Variants in CCDC171 observed in about 807,000 individuals in gnomAD.
The protein encoded by CCDC171 is coiled-coil domain-containing protein 171.
A neutral mutation model predicts 168.2 loss-of-function variants in CCDC171; 177 were observed. The ratio of observed to expected loss-of-function variants is 1.05; its 90% CI spans 0.93 to 1.19. The LOEUF is 1.19. Among genes scored for constraint, CCDC171 ranks in the 50% most tolerant of loss-of-function variants. CCDC171 has a pLI of 0.00. For missense variants in CCDC171, 1,991 were observed against 1,539.0 expected (o/e 1.29, Z -4.91); for synonymous variants, 687 against 540.8 (o/e 1.27, Z -3.75).
chr9:15,661,411 A>G (rs1402983620), intron 8 of CCDC171, among the ~76,000 whole-genome samples: 1 of 152,138 alleles, frequency 6.6e-6, no homozygotes, highest in Non-Finnish European at 1.5e-5. Flanking sequence ...ATCCCTGGGA[A>G]TATATAGTTA....
At position 16,005,636 on chromosome 9, in the gene CCDC171, A is replaced by G. The variant is rs190398229; in HGVS notation, n.369-14953A>G. ...ACAAATTTTAAAAGCAATACAGTAT[A>G]GCAACTATTGACTTAGCGTTACATT... is the stretch of plus-strand genomic sequence containing the variant. On this transcript the variant is annotated intron_variant and non_coding_transcript_variant, in intron 3 of 9. Transcript: ENST00000486641. Among the ~76,000 whole-genome samples, 7 of 152,376 alleles carry G rather than the reference A, an allele frequency of 4.6e-5. No homozygotes were observed. The East Asian group carries it at 1.3e-3, about 29-fold the overall frequency.
chr9:15,867,118 G>T (rs1421491584), intron 23 of CCDC171, among the ~76,000 whole-genome samples: 1 of 151,988 alleles, frequency 6.6e-6, no homozygotes, highest in Non-Finnish European at 1.5e-5. Context: ...TGAATTTGCA[G>T]GTAATGTAAT....
intron 5 of CCDC171, among the ~76,000 whole-genome samples, chr9:15,592,044 C>G (rs572076034): frequency 6.6e-6 from 1 of 151,530 alleles, no homozygotes; most frequent in East Asian, 1.9e-4. Context: ...ATTTTTTGTT[C>G]TCTTTTTACT....
At chr9:16,008,999 C>G (rs1333539467) in intron 3 of CCDC171, among the ~76,000 whole-genome samples, 1 of 151,902 alleles carries the variant, frequency 6.6e-6, no homozygotes. Context: ...GAGAAGAAAA[C>G]CTTTTCTTCC....
intron 17 of CCDC171, 119 bp downstream of exon 17, chr9:15,744,896 A>T (rs1212768325): frequency 3.4e-6 from 3 of 887,324 alleles, no homozygotes; most frequent in Non-Finnish European, 5.0e-6. Flanking sequence ...ATAATATAAC[A>T]TAGTCTCCAT....
At chr9:15,963,714 A>C (rs915894091) in intron 25 of CCDC171, among the ~76,000 whole-genome samples, 1 of 151,582 alleles carries the variant, frequency 6.6e-6, no homozygotes, top group African/African-American at 2.4e-5. Context: ...TTATTATACT[A>C]CTCTCTCCCC....
At chr9:15,874,101 C>G (rs1315319431) in intron 23 of CCDC171, among the ~76,000 whole-genome samples, 1 of 152,048 alleles carries the variant, frequency 6.6e-6, no homozygotes, top group African/African-American at 2.4e-5. Flanking sequence ...TTTTCAAAGA[C>G]TAGTACCTAA....
chr9:15,993,325 A>G (rs1420717432), intron 3 of CCDC171, among the ~76,000 whole-genome samples: 2 of 152,238 alleles, frequency 1.3e-5, no homozygotes, highest in Non-Finnish European at 2.9e-5. Context: ...GACAAACCTG[A>G]CAAAAACAAG....
rs1440877493 is a variant in CCDC171, at chr9:15,692,822, C to T, written c.1216-2413C>T. ...GATTACAGGCGTGAGCCACAGCTCC[C>T]GGCCATAGTTACTCCTTTTAAAAAT... On this transcript the variant is annotated intron_variant, in intron 10 of 25. Transcript: ENST00000380701. Among the ~76,000 whole-genome samples the T allele has an allele frequency of 1.3e-5, 2 of 150,980 alleles. 1 individual carries two copies. The highest frequency in any genetic ancestry group is 3.0e-5 in the Non-Finnish European group (2 of 67,644).
At chr9:15,872,130 A>T (rs920796009) in intron 23 of CCDC171, among the ~76,000 whole-genome samples, 12 of 152,016 alleles carry the variant, frequency 7.9e-5, no homozygotes, top group South Asian at 4.1e-4. Context: ...GATTCAACAG[A>T]TAATTTGTAA....
intron 24 of CCDC171, among the ~76,000 whole-genome samples, chr9:15,878,871 C>T (rs1177175587): frequency 3.9e-5 from 6 of 152,058 alleles, no homozygotes; most frequent in South Asian, 2.1e-4. Flanking sequence ...CAATCTAACA[C>T]GGGAACAGAA....
chr9:15,821,044 A>G (rs1320087086), intron 21 of CCDC171, among the ~76,000 whole-genome samples: 1 of 117,810 alleles, frequency 8.5e-6, no homozygotes, highest in Non-Finnish European at 1.9e-5. Context: ...ATGAAAATCA[A>G]TAAACATAAT....
chr9:15,964,567 A>C (rs1237002110), intron 25 of CCDC171, among the ~76,000 whole-genome samples: 1 of 152,128 alleles, frequency 6.6e-6, no homozygotes, highest in African/African-American at 2.4e-5. Flanking sequence ...GACTGCAAGC[A>C]CAAGGGTATG....
chr9:15,569,833 A>G (rs988615773), intron 2 of CCDC171, among the ~76,000 whole-genome samples: 3 of 112,098 alleles, frequency 2.7e-5, no homozygotes. Flanking sequence ...ACAAAAAACA[A>G]AAAACAAACA....
chr9:15,711,292 A>G (rs898788258), intron 11 of CCDC171, among the ~76,000 whole-genome samples: 1 of 152,180 alleles, frequency 6.6e-6, no homozygotes, highest in African/African-American at 2.4e-5. Context: ...TTAAAATTGT[A>G]TATTTTTAAA....
chr9:15,696,730 GT>G (rs1243306332), intron 11 of CCDC171, among the ~76,000 whole-genome samples: 1 of 152,132 alleles, frequency 6.6e-6, no homozygotes, highest in Non-Finnish European at 1.5e-5. Context: ...TCTCGTTTGA[GT>G]TTTAAAGTAA....
chr9:15,587,328 T>G (rs2041642178), intron 4 of CCDC171, among the ~76,000 whole-genome samples: 1 of 152,170 alleles, frequency 6.6e-6, no homozygotes, highest in South Asian at 2.1e-4. Flanking sequence ...GGTGGGTCTT[T>G]CCCATGCTGT....
Position 15,661,511 on chromosome 9 carries a change from G to T in CCDC171, c.915+4292G>T, listed in dbSNP as rs573543854. 2.4e-3 allele frequency among the ~76,000 whole-genome samples: 367 copies of T among 152,196 alleles called. 2 individuals are homozygous for T. The highest frequency in any genetic ancestry group is 3.5e-3 in the Non-Finnish European group (235 of 68,010). On this transcript the variant is annotated intron_variant, in intron 8 of 25. Coordinates refer to ENST00000380701, the MANE Select transcript of CCDC171 (RefSeq NM_173550.4). ...ATCTCAGTGCTATGACTTAGAAAAAGTGAAAAGTTTATATTTGAATCATAA... is the reference window on the plus strand; with the variant it reads ...ATCTCAGTGCTATGACTTAGAAAAATTGAAAAGTTTATATTTGAATCATAA...
intron 23 of CCDC171, among the ~76,000 whole-genome samples, chr9:15,871,796 T>G (rs570828598): frequency 6.6e-6 from 1 of 152,074 alleles, no homozygotes; most frequent in South Asian, 2.1e-4. Flanking sequence ...CTACCCTTTA[T>G]TTCTTCCGTT....
Sources: allele counts gnomAD v4.1 joint callset (sites outside exome capture counted in the v4.1 genomes callset), GRCh38; gene constraint gnomAD v4.1.1; transcripts MANE v1.5; gene names NCBI Gene and HGNC (gene_info 2026-07-23, HGNC 2026-07-21).